RABEP1: variants seen among roughly 807,000 people sequenced by gnomAD.
RABEP1 encodes the protein rabaptin, RAB GTPase binding effector protein 1.
In RABEP1, 51 loss-of-function variants were observed where a neutral mutation model predicts 123.4. That is an observed-to-expected ratio of 0.41 (90% CI 0.33 to 0.52). The LOEUF is 0.52. Among genes scored for constraint, RABEP1 ranks in the 20% least tolerant of loss-of-function variants. The pLI is 0.16. For missense variants in RABEP1, 888 were observed against 996.3 expected (o/e 0.89, Z 1.46); for synonymous variants, 347 against 355.2 (o/e 0.98, Z 0.26).
intron 1 of RABEP1, among the ~76,000 whole-genome samples, chr17:5,285,310 T>C (rs1263307329): frequency 6.6e-6 from 1 of 151,878 alleles, no homozygotes; most frequent in Non-Finnish European, 1.5e-5. Flanking sequence ...TTTTTTTTTT[T>C]TCTTTTGTAG....
At chr17:5,368,901 G>T (rs1910305983) in intron 12 of RABEP1, among the ~76,000 whole-genome samples, 1 of 152,114 alleles carries the variant, frequency 6.6e-6, no homozygotes, top group South Asian at 2.1e-4. Flanking sequence ...GAGGTCAGGA[G>T]ATTGAGACCA....
At position 5,368,381 on chromosome 17, in the gene RABEP1, C is replaced by T. The variant is rs756002716; in HGVS notation, c.1797C>T (p.Leu599=). 2.5e-5 allele frequency: 41 copies of T among 1,611,878 alleles called. No individual in the cohort carries two copies. Among genetic ancestry groups the T allele is most frequent in the East Asian group, 1.1e-4 (5 of 44,876 alleles). The stretch of plus-strand genomic sequence containing the variant: ...GTGTTTTTTTAAAGATCTCTGCACT[C>T]GTCCTAAGAGCCCAGGCCTCCGAGA... ...SEDSSHQISA[L]VLRAQASEIL... is the part of the protein sequence containing the mutation. Residue 599 remains leucine (L), a synonymous_variant, in exon 12 of 18, where the codon CTC becomes CTT. Transcript: ENST00000537505.
chr17:5,367,880 C>T lies in RABEP1; in HGVS notation c.1786-490C>T, dbSNP rs558452008. On this transcript the variant is annotated intron_variant, in intron 11 of 17. Coordinates refer to ENST00000537505, the MANE Select transcript of RABEP1 (RefSeq NM_004703.6). ...AAGCAATTCTCCTGCCTCAGCCTCC[C>T]GAGTAGCTGGAATACAGGTGCCCGC... Among the ~76,000 whole-genome samples, 32 of 150,902 alleles carry T rather than the reference C, an allele frequency of 2.1e-4. 1 individual carries two copies. The highest frequency in any genetic ancestry group is 1.4e-3 in the Admixed American group (21 of 15,022).
rs769817843 is a variant in RABEP1, at chr17:5,385,492, A to G, written c.*2269A>G. The stretch of plus-strand genomic sequence containing the variant: ...TATAGTAGTACCTTTCAGAACTCAC[A>G]TTGGCAAGTGTAAAAAGATGACTTA... On this transcript the variant is annotated 3_prime_UTR_variant, in exon 18 of 18. Coordinates refer to ENST00000537505, the MANE Select transcript of RABEP1 (RefSeq NM_004703.6). 2 of 230,602 alleles carry G rather than the reference A, an allele frequency of 8.7e-6. No homozygotes were observed. The highest frequency in any genetic ancestry group is 1.7e-5 in the Non-Finnish European group (2 of 116,506). 14.3% of individuals were successfully genotyped at this position (230,602 alleles called of 1,614,324 possible).
intron 11 of RABEP1, 61 bp downstream of exon 11, chr17:5,365,299 T>G (rs907895315): frequency 8.6e-7 from 1 of 1,164,518 alleles, no homozygotes; most frequent in Non-Finnish European, 1.2e-6. Context: ...AAATGAAAGA[T>G]TCAAAAAATA....
chr17:5,290,325 T>C (rs576905746), intron 1 of RABEP1, among the ~76,000 whole-genome samples: 1 of 152,338 alleles, frequency 6.6e-6, no homozygotes, highest in East Asian at 1.9e-4. Flanking sequence ...CCTGACCTCG[T>C]GATCCACTCG....
At chr17:5,289,058 G>A (rs1198463261) in intron 1 of RABEP1, among the ~76,000 whole-genome samples, 1 of 151,934 alleles carries the variant, frequency 6.6e-6, no homozygotes. Flanking sequence ...ATTAATTATG[G>A]CCTCTTTGTT....
intron 1 of RABEP1, among the ~76,000 whole-genome samples, chr17:5,294,747 G>A (rs564815550): frequency 1.8e-3 from 253 of 138,660 alleles, no homozygotes; most frequent in Non-Finnish European, 2.5e-3. Flanking sequence ...TCCTGGGTTT[G>A]CGCCATTCTC....
chr17:5,292,465 G>GCTAC (rs1384482906), intron 1 of RABEP1, among the ~76,000 whole-genome samples: 1 of 151,924 alleles, frequency 6.6e-6, no homozygotes, highest in African/African-American at 2.4e-5. Flanking sequence ...TTGGCTCACT[G>GCTAC]CTACCTCCAC....
chr17:5,294,308 C>T lies in RABEP1; in HGVS notation c.34+11788C>T, dbSNP rs1177585127. On this transcript the variant is annotated intron_variant, in intron 1 of 17. Transcript: ENST00000537505. Reference sequence around the variant, plus strand: ...CTGAGGCAGGAGAACTGCTTGAACCCGGGAGGCGGAGGTTGCAGTGAGCTG... The same window carrying T: ...CTGAGGCAGGAGAACTGCTTGAACCTGGGAGGCGGAGGTTGCAGTGAGCTG... Among the ~76,000 whole-genome samples, 6 of 152,156 alleles carry T rather than the reference C, an allele frequency of 3.9e-5. No homozygotes were observed. In the South Asian group the frequency reaches 6.2e-4, roughly 16 times the overall value.
intron 1 of RABEP1, among the ~76,000 whole-genome samples, chr17:5,303,571 A>G (rs2075154866): frequency 6.6e-6 from 1 of 152,198 alleles, no homozygotes; most frequent in Non-Finnish European, 1.5e-5. Flanking sequence ...CCAGTGAGAA[A>G]CAAGATAAGA....
intron 2 of RABEP1, among the ~76,000 whole-genome samples, 156 bp downstream of exon 2, chr17:5,308,978 G>T (rs561335022): frequency 1.6e-4 from 25 of 152,246 alleles, no homozygotes; most frequent in Middle Eastern, 3.4e-3. Flanking sequence ...TTAAGAATGG[G>T]ATTGAAAAAC....
At chr17:5,317,792 G>A (rs2075312846) in intron 2 of RABEP1, among the ~76,000 whole-genome samples, 2 of 152,172 alleles carry the variant, frequency 1.3e-5, no homozygotes, top group South Asian at 2.1e-4. Flanking sequence ...GACCAACACA[G>A]GATTAGAGGT....
intron 11 of RABEP1, among the ~76,000 whole-genome samples, chr17:5,366,237 A>G (rs1306590611): frequency 6.6e-6 from 1 of 152,094 alleles, no homozygotes; most frequent in Non-Finnish European, 1.5e-5. Context: ...TGACCACTGA[A>G]GTTACTTAGC....
chr17:5,293,650 A>G (rs1181791853), intron 1 of RABEP1, among the ~76,000 whole-genome samples: 1 of 152,074 alleles, frequency 6.6e-6, no homozygotes, highest in East Asian at 1.9e-4. Flanking sequence ...CAAGGGATCC[A>G]CCTGCCTCAG....
At chr17:5,348,191 CTGGTCT>C (rs1034721273) in intron 6 of RABEP1, among the ~76,000 whole-genome samples, 2 of 152,154 alleles carry the variant, frequency 1.3e-5, no homozygotes, top group African/African-American at 4.8e-5. Context: ...GTTGGTCAGG[CTGGTCT>C]TGAACTCCTG....
intron 6 of RABEP1, among the ~76,000 whole-genome samples, chr17:5,348,390 C>A (rs572926803): frequency 3.9e-5 from 6 of 152,118 alleles, no homozygotes; most frequent in African/African-American, 1.4e-4. Flanking sequence ...GCATGTGATG[C>A]AGCTAGGTAA....
In RABEP1 at chr17:5,386,090, C is replaced by A; in HGVS notation, c.*2867C>A. On this transcript the variant is annotated 3_prime_UTR_variant, in exon 18 of 18. Coordinates refer to ENST00000537505, the MANE Select transcript of RABEP1 (RefSeq NM_004703.6). ...AAACAACATATTTAAAAAGATGAACCACACCAAAGGTCATCAAAACACCTT... is the reference window on the plus strand; with the variant it reads ...AAACAACATATTTAAAAAGATGAACAACACCAAAGGTCATCAAAACACCTT... 4.4e-6 allele frequency: 3 copies of A among 685,378 alleles called. No homozygotes were observed. The highest frequency in any genetic ancestry group is 2.3e-5 in the South Asian group (1 of 42,688). 42.5% of individuals were successfully genotyped at this position (685,378 alleles called of 1,614,324 possible). A position where few individuals can be genotyped will look rare whatever the true frequency, so the allele number is the denominator to read the frequency against.
At chr17:5,328,163 A>T (rs1024528828) in intron 2 of RABEP1, among the ~76,000 whole-genome samples, 1 of 152,228 alleles carries the variant, frequency 6.6e-6, no homozygotes, top group African/African-American at 2.4e-5. Flanking sequence ...GATAAACCCA[A>T]ATTCCTGACA....
Sources: allele counts gnomAD v4.1 joint callset (sites outside exome capture counted in the v4.1 genomes callset), GRCh38; gene constraint gnomAD v4.1.1; transcripts MANE v1.5; gene names NCBI Gene and HGNC (gene_info 2026-07-23, HGNC 2026-07-21).